RAPGEF1: variants seen among roughly 807,000 people sequenced by gnomAD.
The protein encoded by RAPGEF1 is Rap guanine nucleotide exchange factor 1, also known as CRK SH3-binding GNRP.
In RAPGEF1, 33 loss-of-function variants were observed where a neutral mutation model predicts 143.3. The observed-to-expected ratio is 0.23, with a 90% CI of 0.17 to 0.31. The LOEUF (loss-of-function observed/expected upper bound fraction) is 0.31, where lower values mean the gene tolerates loss of function less well. RAPGEF1 is among the 10% of genes least tolerant of loss of function. RAPGEF1 has a pLI of 1.00. For missense variants in RAPGEF1, 1,199 were observed against 1,645.4 expected (o/e 0.73, Z 4.69); for synonymous variants, 629 against 676.5 (o/e 0.93, Z 1.09).
chr9:131,720,771 C>G (rs1836206699), intron 1 of RAPGEF1, among the ~76,000 whole-genome samples: 1 of 151,830 alleles, frequency 6.6e-6, no homozygotes, highest in African/African-American at 2.4e-5. Flanking sequence ...AAATCCTATG[C>G]CTGTATCTTT....
At chr9:131,635,661 G>C (rs1453078891) in intron 5 of RAPGEF1, among the ~76,000 whole-genome samples, 1 of 152,144 alleles carries the variant, frequency 6.6e-6, no homozygotes, top group Non-Finnish European at 1.5e-5. Context: ...AAGCCAGCTA[G>C]CTTGGAGGTG....
chr9:131,626,239 G>A lies in RAPGEF1; in HGVS notation c.1385C>T (p.Ala462Val), dbSNP rs1208058639. Residue 462 changes from alanine to valine, a missense_variant, in exon 10 of 27, where the codon GCC becomes GTC. Physicochemically the swap from Ala to Val is moderately conservative, Grantham distance 64. Around this residue, in one of 6 missense-constraint regions of RAPGEF1, gnomAD observed 613 missense variants for 710.9 expected, o/e 0.86. Transcript: ENST00000683357. ...TGGCGTATCTGTCTGCTGCCCTGGGGCCAGAGGTCCGTCTGGCTGGGGATG... is the reference window on the plus strand; with the variant it reads ...TGGCGTATCTGTCTGCTGCCCTGGGACCAGAGGTCCGTCTGGCTGGGGATG... ...GGHPQPDGPLAPGQQTDTPPA... is the reference protein window; with the variant it reads ...GGHPQPDGPLVPGQQTDTPPA... The A allele has an allele frequency of 6.2e-7, 1 of 1,613,972 alleles. No homozygotes were observed. The highest frequency in any genetic ancestry group is 1.1e-5 in the South Asian group (1 of 91,072).
intron 1 of RAPGEF1, among the ~76,000 whole-genome samples, chr9:131,687,040 A>G (rs1833406009): frequency 6.6e-6 from 1 of 152,184 alleles, no homozygotes; most frequent in Non-Finnish European, 1.5e-5. Context: ...GTTAAGTCAA[A>G]TGTTATGTTA....
At chr9:131,660,048 G>C (rs1973596173) in intron 1 of RAPGEF1, among the ~76,000 whole-genome samples, 2 of 152,166 alleles carry the variant, frequency 1.3e-5, no homozygotes, top group Non-Finnish European at 2.9e-5. Flanking sequence ...TCGATCTCCT[G>C]ACTCCGTGAT....
At chr9:131,732,550 T>A (rs936170764) in intron 1 of RAPGEF1, among the ~76,000 whole-genome samples, 2 of 152,106 alleles carry the variant, frequency 1.3e-5, no homozygotes, top group Non-Finnish European at 2.9e-5. Context: ...GTCCTGGCGT[T>A]CTCCCAGTGG....
rs1057134881 is a variant in RAPGEF1, at chr9:131,584,933, G to A, written c.3234-337C>T. Among the ~76,000 whole-genome samples the A allele has an allele frequency of 6.6e-6, 1 of 152,240 alleles. No individual in the cohort carries two copies. On this transcript the variant is annotated intron_variant, in intron 22 of 26. Coordinates refer to ENST00000683357, the MANE Select transcript of RAPGEF1 (RefSeq NM_001377935.1). The surrounding 1 kb of genome is among the most constrained non-coding windows in gnomAD (Gnocchi z 6.8). ...CAAGCATGGGCCCCAAGTACCAGGG[G>A]GCTGGGCAAGTTCCTTGTGTGATGC...
chr9:131,717,055 C>T (rs1248947166), intron 1 of RAPGEF1, among the ~76,000 whole-genome samples: 1 of 152,062 alleles, frequency 6.6e-6, no homozygotes, highest in African/African-American at 2.4e-5. Flanking sequence ...CCCACAGCCT[C>T]GGGTCCCACA....
intron 1 of RAPGEF1, among the ~76,000 whole-genome samples, chr9:131,677,702 GCTTAAGGGT>G (rs979346546): frequency 6.6e-6 from 1 of 152,160 alleles, no homozygotes; most frequent in African/African-American, 2.4e-5. Flanking sequence ...CCTCCCTTAC[GCTTAAGGGT>G]CTTACTAAAA....
chr9:131,610,819 C>T (rs757897714), intron 12 of RAPGEF1, among the ~76,000 whole-genome samples: 22 of 152,272 alleles, frequency 1.4e-4, no homozygotes, highest in Non-Finnish European at 2.4e-4. Flanking sequence ...ATGACACCCA[C>T]GTGATTGTCT....
In RAPGEF1 at chr9:131,643,411, T is replaced by G. The variant is rs1968610238; in HGVS notation, c.322A>C (p.Ser108Arg). ...TCCTTCTCTTTCTCCTCCAGCCAGC[T>G]CAGGTTCTGAAAGGAGACGTTAGGC... ...ASRSQRQKNL[S>R]WLEEKEKEVV... Residue 108 changes from serine to arginine, a missense_variant, in exon 4 of 27, where the codon AGC becomes CGC. Physicochemically the swap from Ser to Arg is moderately radical, Grantham distance 110. Coordinates refer to ENST00000683357, the MANE Select transcript of RAPGEF1 (RefSeq NM_001377935.1). The G allele has an allele frequency of 6.2e-7, 1 of 1,612,450 alleles. No homozygotes were observed. Among genetic ancestry groups the G allele is most frequent in the African/African-American group, 1.3e-5 (1 of 74,956 alleles).
At chr9:131,580,179 T>C (rs1279270820) in intron 26 of RAPGEF1, 84 bp downstream of exon 26, 80 of 1,539,278 alleles carry the variant, frequency 5.2e-5, no homozygotes, top group East Asian at 4.7e-5. Flanking sequence ...TGGCTCCCCC[T>C]CCCCTCGGTG....
intron 3 of RAPGEF1, among the ~76,000 whole-genome samples, chr9:131,646,655 G>A (rs968282179): frequency 2.6e-5 from 4 of 152,160 alleles, no homozygotes; most frequent in Non-Finnish European, 5.9e-5. Context: ...TGCAGCCTGG[G>A]TGCCTCCCCT....
At chr9:131,644,825 G>T (rs534130028) in intron 3 of RAPGEF1, among the ~76,000 whole-genome samples, 49 of 152,242 alleles carry the variant, frequency 3.2e-4, no homozygotes, top group African/African-American at 1.1e-3. Context: ...TTAAAAAAAG[G>T]TGCAGAATAT....
At chr9:131,708,393 C>A (rs569174650) in intron 1 of RAPGEF1, among the ~76,000 whole-genome samples, 1 of 152,170 alleles carries the variant, frequency 6.6e-6, no homozygotes, top group Non-Finnish European at 1.5e-5. Flanking sequence ...CCGCTGAGTG[C>A]GTCAACAGAC....
chr9:131,626,485 C>A lies in RAPGEF1; in HGVS notation c.1202-63G>T, dbSNP rs191545891. 1.4e-3 allele frequency: 2,113 copies of A among 1,484,588 alleles called. 3 individuals are homozygous for A. The highest frequency in any genetic ancestry group is 1.7e-3 in the Non-Finnish European group (1,927 of 1,113,734). The allele number at this position is 1,484,588 out of a possible 1,614,324, so 92.0% of individuals were successfully genotyped here. A position where few individuals can be genotyped will look rare whatever the true frequency, so the allele number is the denominator to read the frequency against. On this transcript the variant is annotated intron_variant, in intron 9 of 26. Transcript: ENST00000683357. ...ACAGGCCCTGCAGGAGCAGCCAGCT[C>A]CCCCCGCCCGCCTCTCGCCGGCTCG...
chr9:131,681,033 C>T (rs1832864940), intron 1 of RAPGEF1, among the ~76,000 whole-genome samples: 1 of 152,094 alleles, frequency 6.6e-6, no homozygotes, highest in South Asian at 2.1e-4. Context: ...ATCAGGGTAA[C>T]AATAGGACAA....
intron 1 of RAPGEF1, among the ~76,000 whole-genome samples, chr9:131,726,186 TCAGCAATAA>T (rs1384417208): frequency 2.6e-5 from 4 of 152,132 alleles, no homozygotes; most frequent in Non-Finnish European, 4.4e-5. Flanking sequence ...AGAATACTAC[TCAGCAATAA>T]AAAGGAATGA....
chr9:131,735,016 T>C (rs906714954), intron 1 of RAPGEF1, among the ~76,000 whole-genome samples: 2 of 152,078 alleles, frequency 1.3e-5, no homozygotes, highest in African/African-American at 2.4e-5. Flanking sequence ...CAGCCTGTGG[T>C]TCGCTGGGAG....
chr9:131,582,682 T>C lies in RAPGEF1; in HGVS notation c.3435A>G (p.Thr1145=), dbSNP rs1467838128. 6.4e-7 allele frequency: 1 copy of C among 1,551,690 alleles called. No homozygotes were observed. The highest frequency in any genetic ancestry group is 8.7e-7 in the Non-Finnish European group (1 of 1,155,778). The change falls in exon 25 of 27, where the codon ACA becomes ACG. Residue 1145 remains threonine, a synonymous_variant. Coordinates refer to ENST00000683357, the MANE Select transcript of RAPGEF1 (RefSeq NM_001377935.1). ...QTSEGLAEYC[T]LIDSSSSFRA... is the part of the protein sequence containing the mutation. Reference sequence around the variant, plus strand: ...GGAAGGAGGACGAGCTGTCGATCAGTGTGCAGTACTCGGCCAGGCCCTGGC... The same window carrying C: ...GGAAGGAGGACGAGCTGTCGATCAGCGTGCAGTACTCGGCCAGGCCCTGGC...
Sources: gnomAD v4.1 joint callset for allele counts (sites outside exome capture counted in the v4.1 genomes callset) on GRCh38, gnomAD v4.1.1 for gene constraint, gnomAD v4.1.1 regional missense constraint, Gnocchi (gnomAD v3.1) non-coding constraint, MANE v1.5 for transcripts, NCBI Gene and HGNC (gene_info 2026-07-23, HGNC 2026-07-21) for gene names.